The following ZNF474 variants were observed in gnomAD, a reference collection of about 807,000 sequenced individuals.
The protein encoded by ZNF474 is zinc finger protein 474.
For synonymous variants in ZNF474, 192 were observed against 162.2 expected, an observed-to-expected ratio of 1.18 and a Z score of -1.39; for missense variants, 511 against 433.8, an observed-to-expected ratio of 1.18 and a Z score of -1.58.
Position 122,152,183 on chromosome 5 carries a change from A to T in ZNF474, c.193A>T (p.Thr65Ser). 1.2e-6 allele frequency: 2 copies of T among 1,614,122 alleles called. No homozygotes were observed. Among genetic ancestry groups the T allele is most frequent in the Middle Eastern group, 3.3e-4 (2 of 6,062 alleles). Residue 65 changes from threonine to serine, a missense_variant, in exon 2 of 2, where the codon ACT becomes TCT. Transcript: ENST00000296600. ...KTDTQKKRPG[T>S]VILSKLSSRR... ...AGACACTCAGAAAAAGAGACCTGGG[A>T]CTGTGATACTATCAAAACTGTCAAG...
chr5:122,149,732 TTA>T (rs1400141222), intron 1 of ZNF474, among the ~76,000 whole-genome samples: 1 of 152,192 alleles, frequency 6.6e-6, no homozygotes, highest in Non-Finnish European at 1.5e-5. Context: ...TTAACTAAAA[TTA>T]TGTTTACAAA....
intron 1 of ZNF474, among the ~76,000 whole-genome samples, chr5:122,138,730 G>T (rs1184080989): frequency 3.3e-5 from 5 of 152,040 alleles, no homozygotes; most frequent in Non-Finnish European, 7.4e-5. Context: ...ACATCCCCTT[G>T]ACCCGGAAGA....
chr5:122,138,043 A>T (rs1755747929), intron 1 of ZNF474, among the ~76,000 whole-genome samples: 1 of 152,236 alleles, frequency 6.6e-6, no homozygotes, highest in Admixed American at 6.5e-5. Context: ...CTTCTACATA[A>T]ATTGATGTAA....
At chr5:122,138,174 G>A (rs542381150) in intron 1 of ZNF474, among the ~76,000 whole-genome samples, 1 of 152,244 alleles carries the variant, frequency 6.6e-6, no homozygotes, top group African/African-American at 2.4e-5. Context: ...GGGAGCAGAA[G>A]GAAAATATAA....
intron 1 of ZNF474, among the ~76,000 whole-genome samples, chr5:122,130,513 A>G (rs1035048948): frequency 6.6e-6 from 1 of 152,184 alleles, no homozygotes; most frequent in Non-Finnish European, 1.5e-5. Context: ...TTTTTAAGTC[A>G]GTAGTACAAT....
intron 1 of ZNF474, among the ~76,000 whole-genome samples, chr5:122,140,446 C>A (rs985675750): frequency 6.6e-6 from 1 of 152,012 alleles, no homozygotes; most frequent in Admixed American, 6.6e-5. Context: ...TTCTTTCAAC[C>A]GCATATGAAT....
Position 122,152,507 on chromosome 5 carries a change from C to G in ZNF474, c.517C>G (p.Arg173Gly). Reference protein sequence around the residue: ...AQLLPCESCGRTFLPDHLLVH... With the variant: ...AQLLPCESCGGTFLPDHLLVH... ...GCTGCTGCCCTGTGAATCCTGTGGC[C>G]GCACATTCTTGCCAGATCATCTTCT... is the stretch of plus-strand genomic sequence containing the variant. Residue 173 changes from arginine to glycine, a missense_variant, in exon 2 of 2, where the codon CGC becomes GGC. By Grantham distance (125) the Arg-to-Gly change is moderately radical (BLOSUM62 -2). Coordinates refer to ENST00000296600, the MANE Select transcript of ZNF474 (RefSeq NM_207317.3). 1 of 1,614,176 alleles carries G rather than the reference C, an allele frequency of 6.2e-7. No homozygotes were observed. The highest frequency in any genetic ancestry group is 8.5e-7 in the Non-Finnish European group (1 of 1,180,040).
chr5:122,150,485 C>A (rs911419689), intron 1 of ZNF474, among the ~76,000 whole-genome samples: 2 of 152,144 alleles, frequency 1.3e-5, no homozygotes, highest in African/African-American at 4.8e-5. Flanking sequence ...TTCCATATTA[C>A]CAGGACTGCT....
chr5:122,136,159 C>A (rs2152603686), intron 1 of ZNF474, among the ~76,000 whole-genome samples: 1 of 152,124 alleles, frequency 6.6e-6, no homozygotes, highest in East Asian at 1.9e-4. Context: ...GTTCCCAACA[C>A]AAAATAATGA....
At position 122,134,219 on chromosome 5, in the gene ZNF474, A is replaced by T. The variant is rs538007282; in HGVS notation, c.-213+4536A>T. On this transcript the variant is annotated intron_variant, in intron 1 of 1. Coordinates refer to ENST00000296600, the MANE Select transcript of ZNF474 (RefSeq NM_207317.3). ...ATGTTGGGAGCAGCAGAGAGGGAGA[A>T]TATAAAGAAGGCAAGTTGTTAATCA... Among the ~76,000 whole-genome samples the T allele has an allele frequency of 1.1e-4, 16 of 152,304 alleles. No homozygotes were observed. The East Asian group carries it at 3.1e-3, about 29-fold the overall frequency.
chr5:122,148,224 C>T (rs1756041355), intron 1 of ZNF474, among the ~76,000 whole-genome samples: 1 of 152,248 alleles, frequency 6.6e-6, no homozygotes, highest in African/African-American at 2.4e-5. Flanking sequence ...AGAAACATTA[C>T]GCATTTCTCC....
chr5:122,151,472 T>G lies in ZNF474; in HGVS notation c.-212-307T>G, dbSNP rs1156959925. 2.3e-4 allele frequency among the ~76,000 whole-genome samples: 35 copies of G among 152,156 alleles called. 1 individual carries two copies. The highest frequency in any genetic ancestry group is 4.4e-5 in the Non-Finnish European group (3 of 68,032). ...TCACCACCCTGGTCTCAGCCTCTAT[T>G]GCTTTGCGTCTTCTGTATCTATGAT... is the stretch of plus-strand genomic sequence containing the variant. On this transcript the variant is annotated intron_variant, in intron 1 of 1. Coordinates refer to ENST00000296600, the MANE Select transcript of ZNF474 (RefSeq NM_207317.3).
At chr5:122,135,503 C>G (rs146823133) in intron 1 of ZNF474, among the ~76,000 whole-genome samples, 2 of 151,962 alleles carry the variant, frequency 1.3e-5, no homozygotes, top group African/African-American at 2.4e-5. Flanking sequence ...TGATTGGTGG[C>G]GAGGATGTGG....
At chr5:122,141,000 G>C (rs1404866993) in intron 1 of ZNF474, among the ~76,000 whole-genome samples, 4 of 152,096 alleles carry the variant, frequency 2.6e-5, no homozygotes, top group African/African-American at 9.7e-5. Flanking sequence ...CAAGTGTCAT[G>C]GCACAGCAGG....
At chr5:122,146,726 G>A (rs1423040419) in intron 1 of ZNF474, among the ~76,000 whole-genome samples, 1 of 152,036 alleles carries the variant, frequency 6.6e-6, no homozygotes, top group Non-Finnish European at 1.5e-5. Context: ...GCACTCCAGG[G>A]CTTCTATGAT....
intron 1 of ZNF474, among the ~76,000 whole-genome samples, chr5:122,131,487 G>T (rs1236792618): frequency 1.3e-5 from 2 of 151,870 alleles, no homozygotes; most frequent in Non-Finnish European, 2.9e-5. Flanking sequence ...TAAAAAAGAA[G>T]AAAATACTGC....
chr5:122,147,388 T>A (rs549559007), intron 1 of ZNF474, among the ~76,000 whole-genome samples: 20 of 152,322 alleles, frequency 1.3e-4, no homozygotes, highest in Admixed American at 8.5e-4. Flanking sequence ...TAGATTTTTT[T>A]ATATACTTTA....
intron 1 of ZNF474, among the ~76,000 whole-genome samples, chr5:122,130,922 A>G (rs1199289444): frequency 1.3e-5 from 2 of 152,136 alleles, no homozygotes; most frequent in Non-Finnish European, 2.9e-5. Context: ...AATTATAATC[A>G]CAATGCTGTA....
intron 1 of ZNF474, among the ~76,000 whole-genome samples, chr5:122,151,353 T>G (rs550254939): frequency 6.6e-6 from 1 of 152,180 alleles, no homozygotes; most frequent in Non-Finnish European, 1.5e-5. Context: ...TCTGACGTAG[T>G]GGAAGTTTCT....
Sources: allele counts gnomAD v4.1 joint callset (sites outside exome capture counted in the v4.1 genomes callset), GRCh38; gene constraint gnomAD v4.1.1; transcripts MANE v1.5; gene names NCBI Gene and HGNC (gene_info 2026-07-23, HGNC 2026-07-21).